The following PARD3 variants were observed in gnomAD, a reference collection of about 807,000 sequenced individuals.
The protein encoded by PARD3 is par-3 family cell polarity regulator.
In PARD3, 75 loss-of-function variants were observed where a neutral mutation model predicts 155.4. That is an observed-to-expected ratio of 0.48 (90% CI 0.40 to 0.58). The LOEUF (loss-of-function observed/expected upper bound fraction) is 0.58. Among genes scored for constraint, PARD3 ranks in the 20% least tolerant of loss-of-function variants. The pLI is 0.00. For synonymous variants in PARD3, 576 were observed against 610.5 expected (o/e 0.94, Z 0.83); for missense variants, 1,642 against 1,721.7 (o/e 0.95, Z 0.82).
intron 22 of PARD3, among the ~76,000 whole-genome samples, chr10:34,150,900 A>G (rs1455149565): frequency 6.6e-6 from 1 of 152,182 alleles, no homozygotes; most frequent in Non-Finnish European, 1.5e-5. Flanking sequence ...TACTTCCTCA[A>G]TGTGAGATGA....
intron 2 of PARD3, among the ~76,000 whole-genome samples, chr10:34,547,795 T>C (rs1221350484): frequency 2.0e-5 from 3 of 152,234 alleles, no homozygotes; most frequent in African/African-American, 7.2e-5. Flanking sequence ...CAGGCAATGA[T>C]GATGCTTAAA....
At chr10:34,547,481 T>C (rs1024634551) in intron 2 of PARD3, among the ~76,000 whole-genome samples, 4 of 152,248 alleles carry the variant, frequency 2.6e-5, no homozygotes, top group African/African-American at 7.2e-5. Context: ...ACATAAAATA[T>C]GGGCATCATT....
chr10:34,552,466 G>A (rs1352908592), intron 2 of PARD3, among the ~76,000 whole-genome samples: 1 of 152,184 alleles, frequency 6.6e-6, no homozygotes, highest in African/African-American at 2.4e-5. Context: ...CTAACACTTT[G>A]GGAGGCCAAG....
chr10:34,687,959 G>A (rs1015165706), intron 2 of PARD3, among the ~76,000 whole-genome samples: 6 of 139,272 alleles, frequency 4.3e-5, no homozygotes, highest in East Asian at 2.2e-4. Context: ...GGCTCAATGC[G>A]ATCCTCCCAC....
chr10:34,745,526 C>T lies in PARD3; in HGVS notation c.121-49107G>A, dbSNP rs532138273. Among the ~76,000 whole-genome samples, 15 of 152,180 alleles carry T rather than the reference C, an allele frequency of 9.9e-5. No individual in the cohort carries two copies. The South Asian group carries it at 2.9e-3, about 29-fold the overall frequency. On this transcript the variant is annotated intron_variant, in intron 1 of 24. Coordinates refer to ENST00000374788, the MANE Select transcript of PARD3 (RefSeq NM_001184785.2). Reference sequence around the variant, plus strand: ...GAATACACACGCTCTGGGGTGTCGACTGTTGGAGGAAAGGCTAGGATAAGA... The same window carrying T: ...GAATACACACGCTCTGGGGTGTCGATTGTTGGAGGAAAGGCTAGGATAAGA...
intron 7 of PARD3, among the ~76,000 whole-genome samples, chr10:34,391,933 A>C (rs1842904108): frequency 1.3e-5 from 2 of 152,212 alleles, no homozygotes; most frequent in Non-Finnish European, 2.9e-5. Flanking sequence ...AGGTGGGTGG[A>C]TCACTTGAGC....
chr10:34,506,171 C>T (rs748301608), intron 3 of PARD3, among the ~76,000 whole-genome samples: 1 of 151,952 alleles, frequency 6.6e-6, no homozygotes, highest in Non-Finnish European at 1.5e-5. Context: ...GATGACATAA[C>T]AGATAGGAAC....
intron 3 of PARD3, among the ~76,000 whole-genome samples, chr10:34,515,111 T>C (rs1457952169): frequency 6.6e-6 from 1 of 152,196 alleles, no homozygotes; most frequent in African/African-American, 2.4e-5. Context: ...CACAGGATCA[T>C]TCCAAGCAGA....
chr10:34,373,138 C>G (rs537885250), intron 11 of PARD3, among the ~76,000 whole-genome samples: 1 of 151,972 alleles, frequency 6.6e-6, no homozygotes, highest in Non-Finnish European at 1.5e-5. Context: ...AAAATAGTTA[C>G]GTCTACTGGA....
At chr10:34,429,857 T>G (rs2075815861) in intron 5 of PARD3, among the ~76,000 whole-genome samples, 1 of 152,180 alleles carries the variant, frequency 6.6e-6, no homozygotes, top group South Asian at 2.1e-4. Flanking sequence ...AGTGCTGGGA[T>G]TACAGGCGTG....
intron 2 of PARD3, among the ~76,000 whole-genome samples, chr10:34,594,061 A>T (rs1262250420): frequency 6.6e-6 from 1 of 152,146 alleles, no homozygotes; most frequent in Non-Finnish European, 1.5e-5. Flanking sequence ...TACAGCCTAC[A>T]ATTATGACTT....
At chr10:34,575,014 A>G (rs916078293) in intron 2 of PARD3, among the ~76,000 whole-genome samples, 1 of 152,094 alleles carries the variant, frequency 6.6e-6, no homozygotes, top group Non-Finnish European at 1.5e-5. Flanking sequence ...CCTTAAAGAG[A>G]CAGGGTCCTA....
rs1380777742 is a variant in PARD3, at chr10:34,813,077, T to G, written c.120+1799A>C. Among the ~76,000 whole-genome samples the G allele has an allele frequency of 2.0e-5, 3 of 152,214 alleles. No individual in the cohort carries two copies. The East Asian group carries it at 5.8e-4, about 29-fold the overall frequency. On this transcript the variant is annotated intron_variant, in intron 1 of 24. Coordinates refer to ENST00000374788, the MANE Select transcript of PARD3 (RefSeq NM_001184785.2). ...ATGTCCAGCACCCAGAACAGTGCCA[T>G]GGACACAGTCAAAGCTTCAGAATTT...
At chr10:34,644,103 T>C (rs1196493313) in intron 2 of PARD3, among the ~76,000 whole-genome samples, 2 of 152,178 alleles carry the variant, frequency 1.3e-5, no homozygotes, top group Admixed American at 1.3e-4. Flanking sequence ...GACTGGATAC[T>C]GAACTCTGAA....
At chr10:34,289,415 C>T (rs1383844539) in intron 20 of PARD3, among the ~76,000 whole-genome samples, 1 of 152,080 alleles carries the variant, frequency 6.6e-6, no homozygotes, top group Non-Finnish European at 1.5e-5. Context: ...GTCTCAAACT[C>T]CTGGCCTCAA....
intron 1 of PARD3, among the ~76,000 whole-genome samples, chr10:34,812,881 G>C (rs374709312): frequency 9.2e-5 from 14 of 152,082 alleles, no homozygotes; most frequent in East Asian, 5.8e-4. Context: ...TACGCCCTGT[G>C]AAACAACCAC....
intron 3 of PARD3, among the ~76,000 whole-genome samples, chr10:34,496,371 T>A (rs1468912504): frequency 6.6e-6 from 1 of 152,124 alleles, no homozygotes; most frequent in Non-Finnish European, 1.5e-5. Flanking sequence ...ATTCCCCTAC[T>A]AAATAAAGGA....
At chr10:34,415,429 ACT>A (rs1414553164) in intron 5 of PARD3, among the ~76,000 whole-genome samples, 2 of 152,162 alleles carry the variant, frequency 1.3e-5, no homozygotes, top group South Asian at 2.1e-4. Flanking sequence ...AAGTATCAAC[ACT>A]CTGAATGATA....
intron 3 of PARD3, among the ~76,000 whole-genome samples, chr10:34,479,021 G>C (rs1447851870): frequency 2.6e-5 from 4 of 151,970 alleles, no homozygotes; most frequent in Non-Finnish European, 1.5e-5. Flanking sequence ...TTATATAAAG[G>C]CTGTATATTA....
Sources: allele counts gnomAD v4.1 joint callset (sites outside exome capture counted in the v4.1 genomes callset), GRCh38; gene constraint gnomAD v4.1.1; transcripts MANE v1.5; gene names NCBI Gene and HGNC (gene_info 2026-07-23, HGNC 2026-07-21).